Variants in RAI14 observed in about 807,000 individuals in gnomAD.
RAI14 encodes the protein ankycorbin.
A neutral mutation model predicts 115.4 loss-of-function variants in RAI14; 45 were observed. The ratio of observed to expected loss-of-function variants is 0.39; its 90% CI spans 0.31 to 0.50. The LOEUF (loss-of-function observed/expected upper bound fraction) is 0.50. Among genes scored for constraint, RAI14 ranks in the 20% least tolerant of loss-of-function variants. The probability of loss-of-function intolerance (pLI) is 0.85; values close to 1 mark genes in which losing one functional copy is unlikely to be tolerated. For synonymous variants in RAI14, 371 were observed against 415.4 expected (o/e 0.89, Z 1.30); for missense variants, 939 against 1,131.2 (o/e 0.83, Z 2.44).
intron 3 of RAI14, among the ~76,000 whole-genome samples, chr5:34,765,277 A>G (rs773081952): frequency 5.3e-5 from 8 of 152,230 alleles, no homozygotes; most frequent in Non-Finnish European, 8.8e-5. Flanking sequence ...GAACTGGGTA[A>G]CAGGCAGAGG....
chr5:34,697,663 C>G (rs925966501), intron 2 of RAI14, among the ~76,000 whole-genome samples: 12 of 152,300 alleles, frequency 7.9e-5, no homozygotes, highest in African/African-American at 2.9e-4. Context: ...CCTGATCTCA[C>G]AGCTTCATTG....
intron 2 of RAI14, among the ~76,000 whole-genome samples, chr5:34,735,027 C>G (rs1018585458): frequency 2.6e-5 from 4 of 152,164 alleles, no homozygotes; most frequent in Admixed American, 6.5e-5. Flanking sequence ...AGAGGTGGAG[C>G]TGCTTATAAT....
Position 34,760,468 on chromosome 5 carries a change from C to T in RAI14, c.167+2870C>T, listed in dbSNP as rs535182534. 9.9e-5 allele frequency among the ~76,000 whole-genome samples: 15 copies of T among 152,220 alleles called. No homozygotes were observed. In the South Asian group the frequency reaches 3.1e-3, roughly 32 times the overall value. ...GGTGGTAAATGTTGGGGCTTTTGGT[C>T]TCCCTTTTGAATCACTACTCGGCCT... On this transcript the variant is annotated intron_variant, in intron 3 of 17. Coordinates refer to ENST00000265109, the MANE Select transcript of RAI14 (RefSeq NM_015577.3).
intron 3 of RAI14, among the ~76,000 whole-genome samples, chr5:34,778,762 G>GAA (rs34710502): frequency 2.1e-5 from 3 of 143,226 alleles, no homozygotes; most frequent in East Asian, 4.1e-4. Context: ...TTAAAGAAAG[G>GAA]AAAAAAAAAA....
intron 3 of RAI14, among the ~76,000 whole-genome samples, chr5:34,788,883 C>T (rs1479445683): frequency 4.6e-5 from 7 of 152,248 alleles, no homozygotes; most frequent in African/African-American, 1.4e-4. Flanking sequence ...GCACGAGAAT[C>T]GCTTGAACTC....
At chr5:34,829,138 T>C (rs62355746) in intron 16 of RAI14, among the ~76,000 whole-genome samples, 1 of 87,098 alleles carries the variant, frequency 1.1e-5, no homozygotes, top group African/African-American at 4.1e-5. Flanking sequence ...TATATACATA[T>C]ATACACACAT....
At chr5:34,726,639 A>G (rs545788580) in intron 2 of RAI14, among the ~76,000 whole-genome samples, 10 of 140,426 alleles carry the variant, frequency 7.1e-5, no homozygotes, top group African/African-American at 2.4e-4. Context: ...CATTGGAGGG[A>G]CCTGGTGGGA....
intron 2 of RAI14, among the ~76,000 whole-genome samples, chr5:34,702,882 T>A (rs1024999585): frequency 2.6e-5 from 4 of 152,192 alleles, no homozygotes; most frequent in African/African-American, 9.7e-5. Context: ...AATTCTATAT[T>A]TTCAGTAGAG....
intron 3 of RAI14, among the ~76,000 whole-genome samples, chr5:34,772,838 G>A (rs1750349779): frequency 1.3e-5 from 2 of 152,198 alleles, no homozygotes; most frequent in African/African-American, 4.8e-5. Context: ...GAGAAAGAGA[G>A]TGCACTACAA....
At chr5:34,751,370 T>C (rs969051103) in intron 2 of RAI14, among the ~76,000 whole-genome samples, 17 of 151,904 alleles carry the variant, frequency 1.1e-4, no homozygotes, top group African/African-American at 4.1e-4. Flanking sequence ...CTCGAACTCC[T>C]GACCTCAAGT....
At chr5:34,766,996 CACCA>C (rs1749471013) in intron 3 of RAI14, among the ~76,000 whole-genome samples, 1 of 152,064 alleles carries the variant, frequency 6.6e-6, no homozygotes, top group South Asian at 2.1e-4. Flanking sequence ...TTTCTCTTGC[CACCA>C]CCAAGTAAGA....
rs1329888251 is a variant in RAI14 at position 34,791,686 on chromosome 5, C to G, written c.168-4253C>G. On this transcript the variant is annotated intron_variant, in intron 3 of 17. Coordinates refer to ENST00000265109, the MANE Select transcript of RAI14 (RefSeq NM_015577.3). The surrounding 1 kb of genome is among the most constrained non-coding windows in gnomAD (Gnocchi z 5.4). ...GAGAGCTTAAGAAAGGAACTATTTACAAATATGTGGCCAGATTAGGGGAAA... is the reference window on the plus strand; with the variant it reads ...GAGAGCTTAAGAAAGGAACTATTTAGAAATATGTGGCCAGATTAGGGGAAA... Among the ~76,000 whole-genome samples, 3 of 152,128 alleles carry G rather than the reference C, an allele frequency of 2.0e-5. No homozygotes were observed. Among genetic ancestry groups the G allele is most frequent in the African/African-American group, 7.2e-5 (3 of 41,424 alleles).
intron 15 of RAI14, 77 bp from the exon 16 acceptor site, chr5:34,826,249 ATGTT>A: frequency 1.5e-6 from 2 of 1,364,054 alleles, no homozygotes; most frequent in Admixed American, 2.2e-5. Flanking sequence ...AGAGATGACT[ATGTT>A]TGAGGCTTAC....
In RAI14 at chr5:34,768,370, A is replaced by G. The variant is rs114995687; in HGVS notation, c.167+10772A>G. On this transcript the variant is annotated intron_variant, in intron 3 of 17. Coordinates refer to ENST00000265109, the MANE Select transcript of RAI14 (RefSeq NM_015577.3). ...TAATTCGATAACAGAAATCAGATAA[A>G]TACCTAGGTAACAAAAACCGTGTCA... Among the ~76,000 whole-genome samples the G allele has an allele frequency of 2.8e-3, 429 of 152,282 alleles. 2 individuals are homozygous for G. The highest frequency in any genetic ancestry group is 9.7e-3 in the African/African-American group (404 of 41,554).
intron 1 of RAI14, among the ~76,000 whole-genome samples, chr5:34,678,227 A>G (rs1744135622): frequency 6.6e-6 from 1 of 152,096 alleles, no homozygotes; most frequent in South Asian, 2.1e-4. Flanking sequence ...CCTCCCGAGT[A>G]GCTGGAATTA....
chr5:34,764,296 A>G (rs1302767491), intron 3 of RAI14, among the ~76,000 whole-genome samples: 1 of 152,230 alleles, frequency 6.6e-6, no homozygotes. Context: ...TCACCTGGGC[A>G]GCTTTGACAA....
chr5:34,717,491 T>C (rs1198063858), intron 2 of RAI14, among the ~76,000 whole-genome samples: 1 of 152,166 alleles, frequency 6.6e-6, no homozygotes. Context: ...AACTTGCCCA[T>C]TTTGGGCGGG....
At position 34,736,300 on chromosome 5, in the gene RAI14, T is replaced by A. The variant is rs964598019; in HGVS notation, c.37-21168T>A. 4.6e-5 allele frequency among the ~76,000 whole-genome samples: 7 copies of A among 152,232 alleles called. No individual in the cohort carries two copies. The South Asian group carries it at 1.2e-3, about 27-fold the overall frequency. On this transcript the variant is annotated intron_variant, in intron 2 of 17. Transcript: ENST00000265109. The stretch of plus-strand genomic sequence containing the variant: ...CCTGTAATCCCAGCTACTCAGGAGC[T>A]GAGGCAGGAGAATAGCTTGAACCCG...
At chr5:34,745,148 A>G (rs1449925178) in intron 2 of RAI14, among the ~76,000 whole-genome samples, 1 of 152,134 alleles carries the variant, frequency 6.6e-6, no homozygotes, top group Non-Finnish European at 1.5e-5. Context: ...GAAAATGTGC[A>G]TTTTCTGGGG....
Sources: allele counts gnomAD v4.1 joint callset (sites outside exome capture counted in the v4.1 genomes callset), GRCh38; gene constraint gnomAD v4.1.1; non-coding constraint Gnocchi (gnomAD v3.1); transcripts MANE v1.5; gene names NCBI Gene and HGNC (gene_info 2026-07-23, HGNC 2026-07-21).